The following FRAS1 variants were observed in gnomAD, a reference collection of about 807,000 sequenced individuals.
FRAS1 encodes the protein Fraser extracellular matrix complex subunit 1, also known as extracellular matrix organizing protein FRAS1.
Under a neutral mutation model 435.2 loss-of-function variants are expected in FRAS1, and 290 were observed. That is an observed-to-expected ratio of 0.67 (90% CI 0.61 to 0.73). The LOEUF (loss-of-function observed/expected upper bound fraction) is 0.73, where lower values mean the gene tolerates loss of function less well. FRAS1 is among the 30% of genes least tolerant of loss of function. The pLI is 0.00. For synonymous variants in FRAS1, 1,800 were observed against 1,851.0 expected, an observed-to-expected ratio of 0.97 and a Z score of 0.71; for missense variants, 4,860 against 5,001.5, an observed-to-expected ratio of 0.97 and a Z score of 0.85.
chr4:78,159,598 T>C (rs1721047760), intron 2 of FRAS1, among the ~76,000 whole-genome samples: 1 of 152,146 alleles, frequency 6.6e-6, no homozygotes, highest in African/African-American at 2.4e-5. Context: ...GACCTAGAAC[T>C]GGCCAAGCAT....
intron 14 of FRAS1, among the ~76,000 whole-genome samples, chr4:78,287,636 T>A (rs61150533): frequency 0.031 from 4,749 of 152,190 alleles, 254 homozygotes; most frequent in African/African-American, 0.11. Flanking sequence ...GGTTAGACTT[T>A]CAGTAAAATC....
intron 2 of FRAS1, among the ~76,000 whole-genome samples, chr4:78,225,596 G>A (rs1204092128): frequency 6.6e-6 from 1 of 152,182 alleles, no homozygotes; most frequent in African/African-American, 2.4e-5. Flanking sequence ...AAGAGCAGAT[G>A]TAAAGGACCA....
intron 2 of FRAS1, among the ~76,000 whole-genome samples, chr4:78,223,588 A>C (rs1470753951): frequency 1.3e-5 from 2 of 152,148 alleles, no homozygotes; most frequent in Non-Finnish European, 2.9e-5. Flanking sequence ...GGCTTAGTAC[A>C]TGGGAACATA....
chr4:78,472,958 C>T (rs1366403554), intron 52 of FRAS1, among the ~76,000 whole-genome samples: 1 of 152,182 alleles, frequency 6.6e-6, no homozygotes, highest in Non-Finnish European at 1.5e-5. Flanking sequence ...TCTCTCCTCA[C>T]ACCTTTTTAG....
intron 1 of FRAS1, among the ~76,000 whole-genome samples, chr4:78,058,699 G>A (rs1202355180): frequency 6.6e-6 from 1 of 152,132 alleles, no homozygotes; most frequent in Non-Finnish European, 1.5e-5. Flanking sequence ...AAGAGTTTAG[G>A]TTCATTCTTT....
intron 8 of FRAS1, 138 bp from the exon 9 acceptor site, chr4:78,267,103 A>T: frequency 1.0e-6 from 1 of 954,258 alleles, no homozygotes; most frequent in Non-Finnish European, 1.6e-6. Context: ...TTGAGGTGCA[A>T]GGGACCCTGC....
intron 2 of FRAS1, among the ~76,000 whole-genome samples, chr4:78,209,100 G>C (rs1026045947): frequency 2.0e-5 from 3 of 151,874 alleles, no homozygotes; most frequent in Non-Finnish European, 4.4e-5. Flanking sequence ...AGCTGTGGTC[G>C]TGCCATGACA....
intron 2 of FRAS1, among the ~76,000 whole-genome samples, chr4:78,098,203 C>G (rs1741915273): frequency 1.3e-5 from 2 of 151,990 alleles, no homozygotes; most frequent in African/African-American, 4.8e-5. Flanking sequence ...GTCTCTCCTC[C>G]CACTGTTTTC....
chr4:78,315,983 G>T (rs1210096977), intron 16 of FRAS1, among the ~76,000 whole-genome samples: 5 of 152,128 alleles, frequency 3.3e-5, no homozygotes, highest in Non-Finnish European at 7.3e-5. Flanking sequence ...AGTTCATTTG[G>T]TCCTTTTGAA....
Position 78,539,384 on chromosome 4 carries a change from G to A in FRAS1, c.11389G>A (p.Val3797Ile). Residue 3797 changes from valine to isoleucine, a missense_variant, in exon 73 of 74, where the codon GTC becomes ATC. Val to Ile is a conservative substitution (Grantham distance 29). Coordinates refer to ENST00000512123, the MANE Select transcript of FRAS1 (RefSeq NM_025074.7). ...CTCTGAGTTGCCTGATTTCCATGTG[G>A]TCAGTAACATGCCAGGTGTGGATGG... is the stretch of plus-strand genomic sequence containing the variant. ...FASELPDFHV[V>I]SNMPGVDGFT... is the part of the protein sequence containing the mutation. 1 of 1,612,016 alleles carries A rather than the reference G, an allele frequency of 6.2e-7. No homozygotes were observed. Among genetic ancestry groups the A allele is most frequent in the African/African-American group, 1.3e-5 (1 of 74,706 alleles).
chr4:78,383,418 G>A (rs539076778), intron 27 of FRAS1, among the ~76,000 whole-genome samples: 1 of 152,198 alleles, frequency 6.6e-6, no homozygotes, highest in East Asian at 1.9e-4. Flanking sequence ...TTACACTCAG[G>A]CTTGTTCTAC....
At chr4:78,304,118 T>C (rs1279702409) in intron 14 of FRAS1, among the ~76,000 whole-genome samples, 1 of 149,604 alleles carries the variant, frequency 6.7e-6, no homozygotes, top group African/African-American at 2.5e-5. Flanking sequence ...GATAATCATG[T>C]GGTTTTTGTC....
chr4:78,160,312 T>C (rs9307352), intron 2 of FRAS1, among the ~76,000 whole-genome samples: 37,087 of 152,180 alleles, frequency 0.24, 4,770 homozygotes, highest in African/African-American at 0.28. Flanking sequence ...GTGTCAAATG[T>C]AGCCTGCAGT....
At chr4:78,098,742 A>C (rs1560520070) in intron 2 of FRAS1, among the ~76,000 whole-genome samples, 1 of 152,246 alleles carries the variant, frequency 6.6e-6, no homozygotes. Flanking sequence ...ACATGAAGGC[A>C]TGGACTTTGG....
intron 29 of FRAS1, among the ~76,000 whole-genome samples, chr4:78,389,260 C>G (rs76424660): frequency 0.015 from 2,324 of 152,324 alleles, 25 homozygotes; most frequent in Non-Finnish European, 0.025. Flanking sequence ...CTTAAACAAC[C>G]TTTTATTTCA....
chr4:78,191,873 A>G (rs1197229107), intron 2 of FRAS1, among the ~76,000 whole-genome samples: 2 of 152,118 alleles, frequency 1.3e-5, no homozygotes, highest in Admixed American at 1.3e-4. Context: ...ACATGAACTC[A>G]TCATTTTTTA....
At chr4:78,237,446 C>CA (rs1246249803) in intron 2 of FRAS1, 64 bp from the exon 3 acceptor site, 1 of 1,116,762 alleles carries the variant, frequency 9.0e-7, no homozygotes, top group African/African-American at 1.5e-5. Flanking sequence ...ATTGATGGTG[C>CA]AGCTTTTGTG....
At chr4:78,168,987 A>G (rs1222999982) in intron 2 of FRAS1, among the ~76,000 whole-genome samples, 3 of 152,112 alleles carry the variant, frequency 2.0e-5, no homozygotes, top group Non-Finnish European at 4.4e-5. Flanking sequence ...GAAGTTGGGA[A>G]GTCTTCACTG....
intron 38 of FRAS1, among the ~76,000 whole-genome samples, chr4:78,436,108 C>T (rs12649321): frequency 0.31 from 47,431 of 151,848 alleles, 8,454 homozygotes; most frequent in Admixed American, 0.4. Context: ...AATGGGAAAA[C>T]GATATTTGCA....
Sources: allele counts gnomAD v4.1 joint callset (sites outside exome capture counted in the v4.1 genomes callset), GRCh38; gene constraint gnomAD v4.1.1; transcripts MANE v1.5; gene names NCBI Gene and HGNC (gene_info 2026-07-23, HGNC 2026-07-21).